The following TNFAIP2 variants were observed in gnomAD, a reference collection of about 807,000 sequenced individuals.
TNFAIP2 encodes the protein TNF alpha induced protein 2.
A neutral mutation model predicts 63.5 loss-of-function variants in TNFAIP2; 47 were observed. The ratio of observed to expected loss-of-function variants is 0.74; its 90% CI spans 0.59 to 0.94. The LOEUF is 0.94. Among genes scored for constraint, TNFAIP2 ranks in the 40% least tolerant of loss-of-function variants. The pLI is 0.00. For synonymous variants in TNFAIP2, 405 were observed against 390.2 expected, an observed-to-expected ratio of 1.04 and a Z score of -0.45; for missense variants, 787 against 850.2, an observed-to-expected ratio of 0.93 and a Z score of 0.92.
In TNFAIP2 at chr14:103,130,079, G is replaced by A. The variant is rs1425014744; in HGVS notation, c.1053G>A (p.Arg351=). The change falls in exon 5 of 12, where the codon AGG becomes AGA. Residue 351 remains arginine, a synonymous_variant. Transcript: ENST00000560869. ...RRWAEDVPPQ[R]LDGHCHSELA... is the part of the protein sequence containing the mutation. ...GGGCTGAGGATGTGCCTCCCCAGAG[G>A]CTGGACGGCCACTGCCACAGCGAGC... 6.2e-7 allele frequency: 1 copy of A among 1,613,320 alleles called. No individual in the cohort carries two copies. The highest frequency in any genetic ancestry group is 8.5e-7 in the Non-Finnish European group (1 of 1,179,874).
chr14:103,131,223 G>A lies in TNFAIP2; in HGVS notation c.1298+73G>A. 6.5e-7 allele frequency: 1 copy of A among 1,535,114 alleles called. No individual in the cohort carries two copies. The highest frequency in any genetic ancestry group is 9.0e-7 in the Non-Finnish European group (1 of 1,111,428). On this transcript the variant is annotated intron_variant, in intron 7 of 11. Transcript: ENST00000560869. This position sits in a 1 kb window ranked among gnomAD's most constrained non-coding sequence, Gnocchi z 4.0. Reference sequence around the variant, plus strand: ...CAGGAGAGGGGAGCTGGAAGGTGGAGGGAGGAGGAGCTGCTTAGGCCAAGA... The same window carrying A: ...CAGGAGAGGGGAGCTGGAAGGTGGAAGGAGGAGGAGCTGCTTAGGCCAAGA...
chr14:103,130,281 G>A (rs1434132895), intron 5 of TNFAIP2, 34 bp from the exon 6 acceptor site: 1 of 1,540,470 alleles, frequency 6.5e-7, no homozygotes, highest in South Asian at 1.2e-5. Flanking sequence ...GTCCAGGCGA[G>A]CCCCTGCTCA....
chr14:103,132,542 G>T (rs1406479706), intron 8 of TNFAIP2, among the ~76,000 whole-genome samples: 1 of 152,222 alleles, frequency 6.6e-6, no homozygotes, highest in Non-Finnish European at 1.5e-5. Context: ...GGTGACCTTG[G>T]ATAAGGGTGC....
chr14:103,132,810 A>G lies in TNFAIP2; in HGVS notation c.1483A>G (p.Ile495Val), dbSNP rs2088005294. 6.2e-7 allele frequency: 1 copy of G among 1,614,080 alleles called. No homozygotes were observed. The highest frequency in any genetic ancestry group is 1.7e-5 in the Admixed American group (1 of 60,016). ...WAAPVETLEN[I>V]IATVDTRLPE... ...GGCCCCTGTGGAGACCCTGGAAAAC[A>G]TCATCGCCACTGTAGACACGAGGCT... is the stretch of plus-strand genomic sequence containing the variant. Residue 495 changes from isoleucine to valine, a missense_variant, in exon 9 of 12, where the codon ATC becomes GTC. This residue lies in a region of TNFAIP2 where 523 missense variants were observed against 604.1 expected (regional missense o/e 0.87). Coordinates refer to ENST00000560869, the MANE Select transcript of TNFAIP2 (RefSeq NM_006291.4).
chr14:103,123,313 C>T (rs1024900232), upstream of TNFAIP2: 2 of 152,940 alleles, frequency 1.3e-5, no homozygotes, highest in Admixed American at 1.3e-4. Flanking sequence ...CGCCCAGCCC[C>T]TGGGACGCAG....
chr14:103,127,480 G>A lies in TNFAIP2; in HGVS notation c.711G>A (p.Pro237=). Residue 237 remains proline, a synonymous_variant, in exon 3 of 12, where the codon CCG becomes CCA. Transcript: ENST00000560869. The surrounding 1 kb of genome is among the most constrained non-coding windows in gnomAD (Gnocchi z 5.1). ...AGGCCGTGGTGGAGCGGCTGAAGCC[G>A]CTGTTCCCCGCCGAGTTCGGCGTCG... ...DLEAVVERLK[P]LFPAEFGVVA... 6.3e-7 allele frequency: 1 copy of A among 1,585,496 alleles called. No individual in the cohort carries two copies. Among genetic ancestry groups the A allele is most frequent in the Non-Finnish European group, 8.5e-7 (1 of 1,174,090 alleles).
At chr14:103,129,886 G>C in intron 4 of TNFAIP2, 32 bp downstream of exon 4, 1 of 1,609,972 alleles carries the variant, frequency 6.2e-7, no homozygotes, top group Non-Finnish European at 8.5e-7. Context: ...GGAGGGGCAG[G>C]GAGGCAGCAG....
Position 103,126,302 on chromosome 14 carries a change from C to A in TNFAIP2, c.-148-8C>A, listed in dbSNP as rs1337658957. On this transcript the variant is annotated splice_region_variant and splice_polypyrimidine_tract_variant and intron_variant, in intron 1 of 11. Coordinates refer to ENST00000560869, the MANE Select transcript of TNFAIP2 (RefSeq NM_006291.4). The stretch of plus-strand genomic sequence containing the variant: ...GTGACCACTGATGCCTTCACCCCCA[C>A]CCCGCAGGAGCCTGCAGGCCTGAAC... 1.1e-5 allele frequency: 7 copies of A among 608,946 alleles called. No homozygotes were observed. Among genetic ancestry groups the A allele is most frequent in the Non-Finnish European group, 1.7e-5 (6 of 342,894 alleles). The allele number at this position is 608,946 out of a possible 1,614,324, so 37.7% of individuals were successfully genotyped here.
Position 103,131,664 on chromosome 14 carries a change from G to A in TNFAIP2, c.1324G>A (p.Val442Ile). The change falls in exon 8 of 12, where the codon GTA becomes ATA. Residue 442 changes from valine to isoleucine, a missense_variant. Physicochemically the swap from Val to Ile is conservative, Grantham distance 29 (BLOSUM62 3). Coordinates refer to ENST00000560869, the MANE Select transcript of TNFAIP2 (RefSeq NM_006291.4). The surrounding 1 kb of genome is among the most constrained non-coding windows in gnomAD (Gnocchi z 4.0). ...FRMSMEQNWQ[V>I]PQDTLSLLLG... ...GATGTCCATGGAGCAGAATTGGCAG[G>A]TACCCCAGGACACCCTGAGCCTCCT... is the stretch of plus-strand genomic sequence containing the variant. 3 of 1,601,380 alleles carry A rather than the reference G, an allele frequency of 1.9e-6. No homozygotes were observed. Among genetic ancestry groups the A allele is most frequent in the Non-Finnish European group, 2.5e-6 (3 of 1,178,130 alleles).
rs2234138 is a variant in TNFAIP2, at chr14:103,131,195, G to C, written c.1298+45G>C. 6.3e-7 allele frequency: 1 copy of C among 1,598,560 alleles called. No homozygotes were observed. Among genetic ancestry groups the C allele is most frequent in the South Asian group, 1.1e-5 (1 of 90,800 alleles). ...CTTGCGGGAGTGGGAGTCACTCAGC[G>C]GGCAGGAGAGGGGAGCTGGAAGGTG... On this transcript the variant is annotated intron_variant, in intron 7 of 11. Transcript: ENST00000560869. The surrounding 1 kb of genome is among the most constrained non-coding windows in gnomAD (Gnocchi z 4.0).
At position 103,135,629 on chromosome 14, in the gene TNFAIP2, G is replaced by A. The variant is rs758564740; in HGVS notation, c.*269G>A. ...GACTCTTTGTAAACGATAGCTGATC[G>A]TGTGCACGCAAGGAAAGAACCAGGA... On this transcript the variant is annotated 3_prime_UTR_variant, in exon 12 of 12. Transcript: ENST00000560869. The surrounding 1 kb of genome is among the most constrained non-coding windows in gnomAD (Gnocchi z 7.6). 1.9e-5 allele frequency: 26 copies of A among 1,341,050 alleles called. No individual in the cohort carries two copies. The highest frequency in any genetic ancestry group is 7.6e-5 in the South Asian group (5 of 65,450). 83.1% of individuals were successfully genotyped at this position (1,341,050 alleles called of 1,614,324 possible).
chr14:103,133,594 T>C, intron 10 of TNFAIP2, 77 bp downstream of exon 10: 3 of 1,577,446 alleles, frequency 1.9e-6, no homozygotes, highest in East Asian at 2.2e-5. Context: ...GGGTCGGAGA[T>C]AGGCCGCTGG....
Position 103,127,082 on chromosome 14 carries a change from GC to G in TNFAIP2, c.314del (p.Ala105GlyfsTer9). 9.4e-7 allele frequency: 1 copy of G among 1,065,138 alleles called. No homozygotes were observed. The highest frequency in any genetic ancestry group is 1.1e-6 in the Non-Finnish European group (1 of 880,526). 66.0% of individuals were successfully genotyped at this position (1,065,138 alleles called of 1,614,324 possible). ...GCTGCTGGCGCTGGAGCGGGAGCTGGCGGCGGCGGCGGCGGCGGGCGGTGTG... is the reference window on the plus strand; with the variant it reads ...GCTGCTGGCGCTGGAGCGGGAGCTGGGGCGGCGGCGGCGGCGGGCGGTGTG... ...RPLLALEREL[A>X]AAAAAGGVSE... On this transcript the variant is annotated frameshift_variant, in exon 3 of 12. Coordinates refer to ENST00000560869, the MANE Select transcript of TNFAIP2 (RefSeq NM_006291.4). LOFTEE classifies it high-confidence loss of function. The surrounding 1 kb of genome is among the most constrained non-coding windows in gnomAD (Gnocchi z 5.1).
In TNFAIP2 at chr14:103,129,778, A is replaced by G. The variant is rs771206081; in HGVS notation, c.899A>G (p.Gln300Arg). The G allele has an allele frequency of 6.2e-7, 1 of 1,613,990 alleles. No homozygotes were observed. The highest frequency in any genetic ancestry group is 1.1e-5 in the South Asian group (1 of 91,084). ...AGCCCCAAGCTGGTGGGTGAGCTGCAGGGTATGGGGCTCGGGAGCCTCCTG... is the reference window on the plus strand; with the variant it reads ...AGCCCCAAGCTGGTGGGTGAGCTGCGGGGTATGGGGCTCGGGAGCCTCCTG... Reference protein sequence around the residue: ...INSPKLVGELQGMGLGSLLPP... With the variant: ...INSPKLVGELRGMGLGSLLPP... Residue 300 changes from glutamine (Q) to arginine (R), a missense_variant, in exon 4 of 12, where the codon CAG (glutamine) becomes CGG (arginine). Transcript: ENST00000560869.
upstream of TNFAIP2, chr14:103,122,771 GGGGAAAGGCT>G (rs1418131549): frequency 4.4e-6 from 2 of 454,618 alleles, no homozygotes; most frequent in African/African-American, 4.0e-5. Flanking sequence ...AGCCCCAGAG[GGGGAAAGGCT>G]CCAGTGGGAG....
In TNFAIP2 at chr14:103,131,252, G is replaced by A. The variant is rs2087966431; in HGVS notation, c.1298+102G>A. The A allele has an allele frequency of 5.4e-6, 7 of 1,296,596 alleles. No homozygotes were observed. The highest frequency in any genetic ancestry group is 1.2e-5 in the South Asian group (1 of 81,998). The allele number at this position is 1,296,596 out of a possible 1,614,324, so 80.3% of individuals were successfully genotyped here. On this transcript the variant is annotated intron_variant, in intron 7 of 11. Transcript: ENST00000560869. The surrounding 1 kb of genome is among the most constrained non-coding windows in gnomAD (Gnocchi z 4.0). ...GGAGGAGCTGCTTAGGCCAAGAAGTGGAATTCAAACCAGCAACATGTGTGA... is the reference window on the plus strand; with the variant it reads ...GGAGGAGCTGCTTAGGCCAAGAAGTAGAATTCAAACCAGCAACATGTGTGA...
At chr14:103,132,111 C>T (rs942592459) in intron 8 of TNFAIP2, among the ~76,000 whole-genome samples, 3 of 151,944 alleles carry the variant, frequency 2.0e-5, no homozygotes, top group Admixed American at 1.3e-4. Flanking sequence ...AGACACAGCC[C>T]AGTCCCAAGC....
rs2087882741 is a variant in TNFAIP2 at position 103,127,444 on chromosome 14, G to A, written c.675G>A (p.Lys225=). The change falls in exon 3 of 12, where the codon AAG becomes AAA. Residue 225 remains lysine, a synonymous_variant. Coordinates refer to ENST00000560869, the MANE Select transcript of TNFAIP2 (RefSeq NM_006291.4). This position sits in a 1 kb window ranked among gnomAD's most constrained non-coding sequence, Gnocchi z 5.1. ...SVFLHLGRTM[K]EDLEAVVERL... ...TTCTGCACTTGGGCCGCACCATGAA[G>A]GAGGACCTGGAGGCCGTGGTGGAGC... 3.1e-6 allele frequency: 5 copies of A among 1,587,956 alleles called. No individual in the cohort carries two copies. The highest frequency in any genetic ancestry group is 4.3e-6 in the Non-Finnish European group (5 of 1,175,328).
In TNFAIP2 at chr14:103,131,863, G is replaced by A. The variant is rs149259179; in HGVS notation, c.1422+101G>A. Reference sequence around the variant, plus strand: ...AGGAGTGGCAGAAGCAAAGATGTGGGGAAGACACGCTCCAGGCCTGTGGAC... The same window carrying A: ...AGGAGTGGCAGAAGCAAAGATGTGGAGAAGACACGCTCCAGGCCTGTGGAC... On this transcript the variant is annotated intron_variant, in intron 8 of 11. Transcript: ENST00000560869. This position sits in a 1 kb window ranked among gnomAD's most constrained non-coding sequence, Gnocchi z 4.0. 3.4e-4 allele frequency: 507 copies of A among 1,475,462 alleles called. 12 individuals carry two copies. In the East Asian group the frequency reaches 0.012, roughly 36 times the overall value. The allele number at this position is 1,475,462 out of a possible 1,614,324, so 91.4% of individuals were successfully genotyped here. A position where few individuals can be genotyped will look rare whatever the true frequency, so the allele number is the denominator to read the frequency against.
Sources: allele counts gnomAD v4.1 joint callset (sites outside exome capture counted in the v4.1 genomes callset), GRCh38; gene constraint gnomAD v4.1.1; regional missense constraint gnomAD v4.1.1; non-coding constraint Gnocchi (gnomAD v3.1); transcripts MANE v1.5; gene names NCBI Gene and HGNC (gene_info 2026-07-23, HGNC 2026-07-21).